PRKG1: variants seen among roughly 807,000 people sequenced by gnomAD.
PRKG1 encodes the protein cGMP-dependent protein kinase 1.
In PRKG1, 35 loss-of-function variants were observed where a neutral mutation model predicts 88.1. The observed-to-expected ratio is 0.40, with a 90% CI of 0.30 to 0.53. The LOEUF (loss-of-function observed/expected upper bound fraction) is 0.53. Ranked by LOEUF, PRKG1 falls within the 20% of genes least tolerant of loss-of-function variation. The pLI is 0.59. For synonymous variants in PRKG1, 303 were observed against 292.5 expected, an observed-to-expected ratio of 1.04 and a Z score of -0.37; for missense variants, 540 against 839.8, an observed-to-expected ratio of 0.64 and a Z score of 4.41.
Position 52,166,235 on chromosome 10 carries a change from A to T in PRKG1, c.1076+4272A>T, listed in dbSNP as rs982223981. ...ATATGTATTCATTCATTTAATAAACATTAGAAATTTACTTATGGTGAGTCA... is the reference window on the plus strand; with the variant it reads ...ATATGTATTCATTCATTTAATAAACTTTAGAAATTTACTTATGGTGAGTCA... On this transcript the variant is annotated intron_variant, in intron 9 of 17. Transcript: ENST00000373980. Among the ~76,000 whole-genome samples, 420 of 151,794 alleles carry T rather than the reference A, an allele frequency of 2.8e-3. 6 individuals are homozygous for T. Among genetic ancestry groups the T allele is most frequent in the African/African-American group, 9.6e-3 (397 of 41,414 alleles).
At chr10:51,610,111 T>C (rs1266253150) in intron 3 of PRKG1, among the ~76,000 whole-genome samples, 1 of 152,238 alleles carries the variant, frequency 6.6e-6, no homozygotes, top group Non-Finnish European at 1.5e-5. Flanking sequence ...ATCTATCACA[T>C]GAGCATCATT....
At chr10:52,188,716 G>A (rs1839285656) in intron 9 of PRKG1, among the ~76,000 whole-genome samples, 1 of 152,088 alleles carries the variant, frequency 6.6e-6, no homozygotes, top group Admixed American at 6.6e-5. Flanking sequence ...CTCCTCATTA[G>A]CCAATTGATT....
intron 3 of PRKG1, among the ~76,000 whole-genome samples, chr10:51,730,214 C>T (rs1462441387): frequency 3.3e-5 from 5 of 152,216 alleles, no homozygotes; most frequent in East Asian, 1.9e-4. Context: ...TGCCCTCAGG[C>T]GAGGGCACAG....
chr10:51,791,557 C>T lies in PRKG1; in HGVS notation c.593-13028C>T, dbSNP rs181823581. On this transcript the variant is annotated intron_variant, in intron 3 of 17. Coordinates refer to ENST00000373980, the MANE Select transcript of PRKG1 (RefSeq NM_006258.4). Reference sequence around the variant, plus strand: ...TTTTAACCCAGTCATTTATTTAATCCGAAACATCTGCTGAACACTTTAGAA... The same window carrying T: ...TTTTAACCCAGTCATTTATTTAATCTGAAACATCTGCTGAACACTTTAGAA... Among the ~76,000 whole-genome samples, 959 of 152,044 alleles carry T rather than the reference C, an allele frequency of 6.3e-3. 4 individuals carry two copies. Among genetic ancestry groups the T allele is most frequent in the Non-Finnish European group, 0.011 (742 of 67,978 alleles).
At chr10:51,623,784 G>A (rs947907565) in intron 3 of PRKG1, among the ~76,000 whole-genome samples, 4 of 152,022 alleles carry the variant, frequency 2.6e-5, no homozygotes, top group East Asian at 1.9e-4. Flanking sequence ...CTCCCCTCCC[G>A]CGTGTTTCCG....
intron 5 of PRKG1, among the ~76,000 whole-genome samples, chr10:52,040,326 A>G (rs1338440973): frequency 6.6e-6 from 1 of 152,200 alleles, no homozygotes; most frequent in Non-Finnish European, 1.5e-5. Flanking sequence ...CTGAAACACT[A>G]AATTGTGTGA....
At chr10:52,242,654 T>C (rs1183263819) in intron 9 of PRKG1, among the ~76,000 whole-genome samples, 5 of 152,130 alleles carry the variant, frequency 3.3e-5, no homozygotes, top group Non-Finnish European at 7.4e-5. Flanking sequence ...CCCAACACTT[T>C]AGGAGGCCAA....
At chr10:51,618,578 A>G (rs1300203844) in intron 3 of PRKG1, among the ~76,000 whole-genome samples, 3 of 152,308 alleles carry the variant, frequency 2.0e-5, no homozygotes, top group East Asian at 3.9e-4. Context: ...TATGCTGTGA[A>G]TAGGTACTAT....
intron 3 of PRKG1, among the ~76,000 whole-genome samples, chr10:51,704,158 AT>A (rs1841544110): frequency 6.7e-6 from 1 of 149,828 alleles, no homozygotes; most frequent in Non-Finnish European, 1.5e-5. Flanking sequence ...AAAAAAAAAA[AT>A]TAAATAAATA....
At chr10:51,046,207 C>G (rs946706619) in intron 1 of PRKG1, among the ~76,000 whole-genome samples, 1 of 152,224 alleles carries the variant, frequency 6.6e-6, no homozygotes. Context: ...TCTTCTCCAT[C>G]AATGGGTTTA....
intron 1 of PRKG1, among the ~76,000 whole-genome samples, chr10:51,103,538 A>G (rs1051914458): frequency 1.3e-5 from 2 of 152,202 alleles, no homozygotes; most frequent in Non-Finnish European, 2.9e-5. Flanking sequence ...GACATTTCTG[A>G]TAGTTTAGCT....
chr10:51,802,294 C>A (rs912848766), intron 3 of PRKG1, among the ~76,000 whole-genome samples: 1 of 152,116 alleles, frequency 6.6e-6, no homozygotes, highest in East Asian at 1.9e-4. Context: ...TGCCCAAGGT[C>A]ATGGACAAAT....
intron 4 of PRKG1, among the ~76,000 whole-genome samples, chr10:51,885,026 A>G (rs775573572): frequency 1.3e-5 from 2 of 152,202 alleles, no homozygotes; most frequent in African/African-American, 2.4e-5. Context: ...CCTTGAAAGA[A>G]TCCTTCACTT....
intron 1 of PRKG1, among the ~76,000 whole-genome samples, chr10:51,003,082 A>T (rs1589100846): frequency 6.6e-6 from 1 of 152,168 alleles, no homozygotes. Flanking sequence ...TAGGAAAAAA[A>T]CAATGTTACA....
At chr10:51,316,230 A>G (rs969520724) in intron 2 of PRKG1, among the ~76,000 whole-genome samples, 2 of 152,244 alleles carry the variant, frequency 1.3e-5, no homozygotes, top group Admixed American at 6.5e-5. Flanking sequence ...CAGAGCTAAT[A>G]TATGAGATAC....
At chr10:51,337,381 C>T (rs895191664) in intron 2 of PRKG1, among the ~76,000 whole-genome samples, 4 of 151,994 alleles carry the variant, frequency 2.6e-5, no homozygotes, top group African/African-American at 7.2e-5. Context: ...TTGCCAAAAG[C>T]AATTGCAAAA....
At chr10:51,017,073 G>T (rs953700770) in intron 1 of PRKG1, among the ~76,000 whole-genome samples, 2 of 151,818 alleles carry the variant, frequency 1.3e-5, no homozygotes, top group African/African-American at 4.8e-5. Flanking sequence ...CTCTCTTCAT[G>T]TAACGTCCCC....
chr10:51,432,244 A>G (rs1006925776), intron 2 of PRKG1, among the ~76,000 whole-genome samples: 13 of 152,332 alleles, frequency 8.5e-5, no homozygotes, highest in African/African-American at 3.1e-4. Flanking sequence ...ACTGAAATGT[A>G]TTAATATCCC....
At chr10:51,698,426 G>A (rs776404351) in intron 3 of PRKG1, 1 of 1,614,094 alleles carries the variant, frequency 6.2e-7, no homozygotes, top group Non-Finnish European at 8.5e-7. Context: ...ATGTGAGGAA[G>A]GGCCACGAGT....
Sources: gnomAD v4.1 joint callset for allele counts (sites outside exome capture counted in the v4.1 genomes callset) on GRCh38, gnomAD v4.1.1 for gene constraint, MANE v1.5 for transcripts, NCBI Gene and HGNC (gene_info 2026-07-23, HGNC 2026-07-21) for gene names.